The following ARHGAP8 variants were observed in gnomAD, a reference collection of about 807,000 sequenced individuals.
ARHGAP8 encodes Rho GTPase activating protein 8.
A neutral mutation model predicts 46.1 loss-of-function variants in ARHGAP8; 62 were observed. The ratio of observed to expected loss-of-function variants is 1.34; its 90% CI spans 1.10 to 1.66. The LOEUF is 1.66. Ranked by LOEUF, ARHGAP8 falls within the 40% of genes most tolerant of loss-of-function variation. ARHGAP8 has a pLI of 0.00. For synonymous variants in ARHGAP8, 375 were observed against 243.1 expected (o/e 1.54, Z -5.05); for missense variants, 923 against 568.4 (o/e 1.62, Z -6.34).
chr22:44,848,736 T>G (rs1457242545), intron 9 of ARHGAP8, among the ~76,000 whole-genome samples, 196 bp from the exon 10 acceptor site: 1 of 151,770 alleles, frequency 6.6e-6, no homozygotes, highest in African/African-American at 2.4e-5. Flanking sequence ...GAGGAGGCAG[T>G]TAGGGTAGTG....
intron 10 of ARHGAP8, among the ~76,000 whole-genome samples, chr22:44,854,577 C>T (rs776115984): frequency 1.2e-4 from 18 of 152,048 alleles, no homozygotes; most frequent in Non-Finnish European, 1.9e-4. Context: ...AGCCCAACTA[C>T]ATAAAGATGT....
At chr22:44,832,252 A>T in intron 7 of ARHGAP8, among the ~76,000 whole-genome samples, 1 of 137,516 alleles carries the variant, frequency 7.3e-6, no homozygotes, top group African/African-American at 2.8e-5. Flanking sequence ...TTAAAGACAG[A>T]GTCTTGCCCT....
At chr22:44,831,412 C>T (rs936370148) in intron 7 of ARHGAP8, among the ~76,000 whole-genome samples, 1 of 152,116 alleles carries the variant, frequency 6.6e-6, no homozygotes, top group African/African-American at 2.4e-5. Flanking sequence ...AAGACTTTTC[C>T]TGGCCAGGCA....
chr22:44,787,104 A>G (rs1252714003), intron 2 of ARHGAP8, among the ~76,000 whole-genome samples: 1 of 151,980 alleles, frequency 6.6e-6, no homozygotes, highest in Non-Finnish European at 1.5e-5. Flanking sequence ...GTTTGGAGAA[A>G]TAAATTACAC....
intron 7 of ARHGAP8, among the ~76,000 whole-genome samples, chr22:44,835,357 A>G (rs1477448172): frequency 6.6e-6 from 1 of 152,048 alleles, no homozygotes; most frequent in Non-Finnish European, 1.5e-5. Context: ...TGGTGGCTGA[A>G]GCCTGTAGTC....
At chr22:44,840,747 C>T (rs1454493271) in intron 7 of ARHGAP8, among the ~76,000 whole-genome samples, 1 of 152,218 alleles carries the variant, frequency 6.6e-6, no homozygotes, top group Non-Finnish European at 1.5e-5. Context: ...CATCCCTTTT[C>T]GTGATGAGGA....
At chr22:44,811,387 A>G (rs1054506214) in intron 4 of ARHGAP8, among the ~76,000 whole-genome samples, 5 of 152,234 alleles carry the variant, frequency 3.3e-5, no homozygotes, top group Non-Finnish European at 7.3e-5. Context: ...AAGGGCGTTG[A>G]TAAGTGGAGC....
intron 10 of ARHGAP8, among the ~76,000 whole-genome samples, chr22:44,857,206 C>T (rs1475093247): frequency 6.6e-6 from 1 of 150,912 alleles, no homozygotes; most frequent in African/African-American, 2.5e-5. Flanking sequence ...TCTGAAAGTG[C>T]TGGTATTATA....
intron 7 of ARHGAP8, among the ~76,000 whole-genome samples, chr22:44,837,704 T>C (rs966283027): frequency 1.3e-5 from 2 of 152,096 alleles, no homozygotes; most frequent in African/African-American, 4.8e-5. Context: ...AAGTAGCGGA[T>C]GGGCAGGGGA....
intron 5 of ARHGAP8, among the ~76,000 whole-genome samples, chr22:44,821,977 C>T (rs1930182976): frequency 6.6e-6 from 1 of 152,224 alleles, no homozygotes; most frequent in African/African-American, 2.4e-5. Context: ...TGAGGCTGCC[C>T]TGGGGCAGGC....
chr22:44,839,217 G>A (rs1444100582), intron 7 of ARHGAP8, among the ~76,000 whole-genome samples: 1 of 152,182 alleles, frequency 6.6e-6, no homozygotes, highest in Non-Finnish European at 1.5e-5. Flanking sequence ...AAGATGGGAA[G>A]GAGGCAGGGG....
intron 4 of ARHGAP8, chr22:44,809,183 T>C (rs1236475253): frequency 2.1e-6 from 1 of 470,974 alleles, no homozygotes; most frequent in Non-Finnish European, 4.4e-6. Context: ...TGTTGCTCTA[T>C]TGCAACAACT....
At chr22:44,768,517 G>A (rs1240506350) in intron 1 of ARHGAP8, among the ~76,000 whole-genome samples, 1 of 150,096 alleles carries the variant, frequency 6.7e-6, no homozygotes, top group African/African-American at 2.5e-5. Context: ...TCATTACCCA[G>A]GCTGGTCTCT....
At chr22:44,859,584 A>G in intron 10 of ARHGAP8, 147 bp from the exon 11 acceptor site, 2 of 766,618 alleles carry the variant, frequency 2.6e-6, no homozygotes, top group African/African-American at 1.8e-5. Flanking sequence ...CCATACGGCC[A>G]GAAGATAAGT....
chr22:44,827,336 GTTTTTTTT>G (rs796490147), intron 7 of ARHGAP8, among the ~76,000 whole-genome samples: 1,273 of 67,256 alleles, frequency 0.019, 42 homozygotes, highest in African/African-American at 0.071. Flanking sequence ...TTGGGTGGTG[GTTTTTTTT>G]TTTTTTTTTT....
rs1569172273 is a variant in ARHGAP8, at chr22:44,838,139, A to ATTTTTTTT, written c.597-7130_597-7129insTTTTTTTT. On this transcript the variant is annotated intron_variant, in intron 7 of 11. Transcript: ENST00000356099. Reference sequence around the variant, plus strand: ...CAGGAGTGCGCCACCATGCCTGGCTAATTTTTTTTTTTTTTGAAGACGGAG... The same window carrying ATTTTTTTT: ...CAGGAGTGCGCCACCATGCCTGGCTATTTTTTTTATTTTTTTTTTTTTTGAAGACGGAG... Among the ~76,000 whole-genome samples the ATTTTTTTT allele has an allele frequency of 6.7e-3, 934 of 139,082 alleles. 8 individuals carry two copies. The highest frequency in any genetic ancestry group is 0.024 in the African/African-American group (894 of 37,148). The allele number at this position is 139,082 out of a possible 152,430, so 91.2% of individuals were successfully genotyped here.
At chr22:44,764,628 C>T (rs1229340424) in intron 1 of ARHGAP8, among the ~76,000 whole-genome samples, 4 of 152,224 alleles carry the variant, frequency 2.6e-5, no homozygotes, top group Admixed American at 2.0e-4. Context: ...CCCTCACCCT[C>T]TCTGGGCCTC....
chr22:44,814,908 G>T (rs879498374), intron 5 of ARHGAP8, 150 bp downstream of exon 5: 1 of 890,962 alleles, frequency 1.1e-6, no homozygotes, highest in African/African-American at 1.7e-5. Flanking sequence ...TGGGGTCTGC[G>T]GGGGGTCACA....
intron 7 of ARHGAP8, among the ~76,000 whole-genome samples, chr22:44,845,004 GC>G (rs1211285990): frequency 6.6e-6 from 1 of 152,058 alleles, no homozygotes; most frequent in Admixed American, 6.5e-5. Context: ...CTCTGAAGTT[GC>G]CCCCTGGGGA....
Sources: gnomAD v4.1 joint callset for allele counts (sites outside exome capture counted in the v4.1 genomes callset) on GRCh38, gnomAD v4.1.1 for gene constraint, MANE v1.5 for transcripts, NCBI Gene and HGNC (gene_info 2026-07-23, HGNC 2026-07-21) for gene names.